Variants in EVI5 observed in about 807,000 individuals in gnomAD.
EVI5 encodes the protein ecotropic viral integration site 5 protein homolog.
Under a neutral mutation model 112.0 loss-of-function variants are expected in EVI5, and 73 were observed. The ratio of observed to expected loss-of-function variants is 0.65; its 90% CI spans 0.54 to 0.79. EVI5 has a LOEUF of 0.79. Among genes scored for constraint, EVI5 ranks in the 30% least tolerant of loss-of-function variants. The pLI, the probability that EVI5 is intolerant of heterozygous loss-of-function variation, is 0.00. For synonymous variants in EVI5, 305 were observed against 319.9 expected, an observed-to-expected ratio of 0.95 and a Z score of 0.50; for missense variants, 900 against 968.8, an observed-to-expected ratio of 0.93 and a Z score of 0.94.
intron 6 of EVI5, among the ~76,000 whole-genome samples, chr1:92,696,244 T>C (rs2102486452): frequency 6.6e-6 from 1 of 152,150 alleles, no homozygotes; most frequent in Middle Eastern, 3.4e-3. Flanking sequence ...AAATGACACA[T>C]TAATTGAAAA....
At chr1:92,699,657 T>C (rs1164568689) in intron 5 of EVI5, among the ~76,000 whole-genome samples, 1 of 152,198 alleles carries the variant, frequency 6.6e-6, no homozygotes, top group Non-Finnish European at 1.5e-5. Flanking sequence ...ATATGCTATA[T>C]AGCCTATTGC....
chr1:92,713,546 C>T (rs1331056976), intron 2 of EVI5, among the ~76,000 whole-genome samples: 1 of 152,026 alleles, frequency 6.6e-6, no homozygotes, highest in Non-Finnish European at 1.5e-5. Flanking sequence ...GAGGCTGAAA[C>T]GGGCCAATCG....
At chr1:92,628,453 G>A (rs750007910) in intron 14 of EVI5, among the ~76,000 whole-genome samples, 2 of 152,174 alleles carry the variant, frequency 1.3e-5, no homozygotes, top group African/African-American at 2.4e-5. Flanking sequence ...AATTTTTATA[G>A]TTTCAGGTCT....
intron 13 of EVI5, among the ~76,000 whole-genome samples, chr1:92,662,278 C>T (rs1471542111): frequency 1.3e-5 from 2 of 152,094 alleles, no homozygotes; most frequent in African/African-American, 2.4e-5. Flanking sequence ...GCCACACTGT[C>T]GAAGCTTTAA....
intron 2 of EVI5, 128 bp downstream of exon 2, chr1:92,736,270 T>C (rs1677413175): frequency 1.6e-6 from 1 of 626,692 alleles, no homozygotes; most frequent in East Asian, 2.8e-5. Flanking sequence ...CCAAAAAAGA[T>C]GAACACTTCT....
intron 1 of EVI5, among the ~76,000 whole-genome samples, chr1:92,751,624 T>C (rs755382167): frequency 6.6e-6 from 1 of 150,784 alleles, no homozygotes; most frequent in East Asian, 1.9e-4. Context: ...CTGAAAGGGG[T>C]TGCATGAGAG....
intron 19 of EVI5, among the ~76,000 whole-genome samples, chr1:92,517,530 A>G (rs1441003940): frequency 6.6e-6 from 1 of 152,222 alleles, no homozygotes; most frequent in Non-Finnish European, 1.5e-5. Flanking sequence ...ACTCTTAATT[A>G]TTTAGGACAA....
intron 2 of EVI5, among the ~76,000 whole-genome samples, chr1:92,722,824 A>C (rs1233498719): frequency 6.6e-6 from 1 of 152,192 alleles, no homozygotes; most frequent in Non-Finnish European, 1.5e-5. Context: ...GTAGTAAACA[A>C]AGGGGTAAAA....
Position 92,704,580 on chromosome 1 carries a change from C to T in EVI5, c.314G>A (p.Arg105His), listed in dbSNP as rs557147837. ...GRIVNEWEDV[R>H]KKKEKQVKEL... is the part of the protein sequence containing the mutation. ...CTTAACTTGCTTTTCCTTCTTTTTG[C>T]GTACATCTTCCCATTCATTAACAAT... is the stretch of plus-strand genomic sequence containing the variant. Residue 105 changes from arginine (R) to histidine (H), a missense_variant, in exon 3 of 20, where the codon CGC becomes CAC. Physicochemically the swap from Arg to His is conservative, Grantham distance 29 (BLOSUM62 0). Coordinates refer to ENST00000684568, the MANE Select transcript of EVI5 (RefSeq NM_001350197.2). 5 of 1,578,386 alleles carry T rather than the reference C, an allele frequency of 3.2e-6. No individual in the cohort carries two copies. Among genetic ancestry groups the T allele is most frequent in the African/African-American group, 1.4e-5 (1 of 73,298 alleles).
At chr1:92,792,178 A>G (rs1348456863) in intron 1 of EVI5, among the ~76,000 whole-genome samples, 5 of 152,226 alleles carry the variant, frequency 3.3e-5, no homozygotes, top group Non-Finnish European at 7.3e-5. Flanking sequence ...GTACAATGAG[A>G]TAACAGTCTT....
chr1:92,703,531 T>A lies in EVI5; in HGVS notation c.428A>T (p.Gln143Leu), dbSNP rs1286069733. 1 of 1,602,960 alleles carries A rather than the reference T, an allele frequency of 6.2e-7. No homozygotes were observed. The highest frequency in any genetic ancestry group is 1.8e-5 in the Admixed American group (1 of 56,434). The change falls in exon 4 of 20, where the codon CAG (glutamine) becomes CTG (leucine). Residue 143 changes from glutamine to leucine, a missense_variant. By Grantham distance (113) the Gln-to-Leu change is moderately radical. Coordinates refer to ENST00000684568, the MANE Select transcript of EVI5 (RefSeq NM_001350197.2). ...CSAQSMPIKD[Q>L]YSELLKMTSP... ...GGTCATTTTCAGGAGTTCTGAATAC[T>A]GATCCTTAATTGGCATACTTTGTGC...
chr1:92,652,985 T>G (rs1662390938), intron 13 of EVI5, among the ~76,000 whole-genome samples: 2 of 152,292 alleles, frequency 1.3e-5, no homozygotes, highest in Admixed American at 1.3e-4. Context: ...CACTGGTAAC[T>G]GAACTGTCGG....
Position 92,648,289 on chromosome 1 carries a change from C to T in EVI5, c.1393-11953G>A, listed in dbSNP as rs561650213. Reference sequence around the variant, plus strand: ...TCGGGAGGCTGAGGGAGGAGAATGGCGTGAACCCGGGAGGCGGAGCTTGCA... The same window carrying T: ...TCGGGAGGCTGAGGGAGGAGAATGGTGTGAACCCGGGAGGCGGAGCTTGCA... On this transcript the variant is annotated intron_variant, in intron 13 of 19. Coordinates refer to ENST00000684568, the MANE Select transcript of EVI5 (RefSeq NM_001350197.2). Among the ~76,000 whole-genome samples the T allele has an allele frequency of 1.3e-3, 193 of 148,918 alleles. 1 individual carries two copies. The highest frequency in any genetic ancestry group is 4.5e-3 in the African/African-American group (185 of 40,770).
At chr1:92,572,495 A>G (rs887046342) in intron 18 of EVI5, among the ~76,000 whole-genome samples, 1 of 152,134 alleles carries the variant, frequency 6.6e-6, no homozygotes, top group Non-Finnish European at 1.5e-5. Flanking sequence ...ACTGGTCTAC[A>G]CTGCACTTCA....
intron 6 of EVI5, among the ~76,000 whole-genome samples, chr1:92,697,519 T>G (rs1348913470): frequency 3.9e-5 from 6 of 152,178 alleles, no homozygotes; most frequent in Non-Finnish European, 7.3e-5. Flanking sequence ...TGGACTGATG[T>G]CAGTGTAATA....
At chr1:92,743,415 G>A (rs1451986696) in intron 1 of EVI5, among the ~76,000 whole-genome samples, 2 of 151,968 alleles carry the variant, frequency 1.3e-5, no homozygotes, top group African/African-American at 4.8e-5. Flanking sequence ...GACATTATAC[G>A]AAGTGAAAAA....
At chr1:92,763,105 C>T (rs1000776303) in intron 1 of EVI5, among the ~76,000 whole-genome samples, 2 of 151,982 alleles carry the variant, frequency 1.3e-5, no homozygotes, top group African/African-American at 4.8e-5. Flanking sequence ...CTTGTCTCTA[C>T]AAATAAATTA....
intron 19 of EVI5, among the ~76,000 whole-genome samples, chr1:92,546,076 G>C (rs1006888373): frequency 1.3e-5 from 2 of 152,042 alleles, no homozygotes; most frequent in Non-Finnish European, 2.9e-5. Flanking sequence ...TCATCAACTG[G>C]AACTATGACT....
intron 19 of EVI5, among the ~76,000 whole-genome samples, chr1:92,517,150 G>T (rs868624821): frequency 6.6e-6 from 1 of 152,146 alleles, no homozygotes; most frequent in African/African-American, 2.4e-5. Context: ...TCAAACAATT[G>T]TGGGTCCAAA....
Sources: gnomAD v4.1 joint callset for allele counts (sites outside exome capture counted in the v4.1 genomes callset) on GRCh38, gnomAD v4.1.1 for gene constraint, MANE v1.5 for transcripts, NCBI Gene and HGNC (gene_info 2026-07-23, HGNC 2026-07-21) for gene names.